ZCWPW2: variants seen among roughly 807,000 people sequenced by gnomAD.
The protein encoded by ZCWPW2 is zinc finger CW-type PWWP domain protein 2.
Under a neutral mutation model 46.6 loss-of-function variants are expected in ZCWPW2, and 45 were observed. The ratio of observed to expected loss-of-function variants is 0.96; its 90% confidence interval spans 0.76 to 1.24. The LOEUF is 1.24. Ranked by LOEUF, ZCWPW2 falls within the 50% of genes most tolerant of loss-of-function variation. ZCWPW2 has a pLI of 0.00. For missense variants in ZCWPW2, 429 were observed against 403.9 expected (o/e 1.06, Z -0.53); for synonymous variants, 152 against 137.1 (o/e 1.11, Z -0.76).
chr3:28,360,347 T>TACAAAAAA (rs1704891663), intron 1 of ZCWPW2, among the ~76,000 whole-genome samples: 2 of 24,194 alleles, frequency 8.3e-5, no homozygotes, highest in Non-Finnish European at 1.6e-4. Context: ...CTACTAAAAA[T>TACAAAAAA]ACAAAAAAAA....
chr3:28,475,938 A>G (rs1447926614), intron 4 of ZCWPW2, among the ~76,000 whole-genome samples: 4 of 152,042 alleles, frequency 2.6e-5, no homozygotes, highest in Non-Finnish European at 5.9e-5. Flanking sequence ...TGCTTGTTAT[A>G]TATTGTCTCT....
At chr3:28,435,467 T>TTTTA (rs1697442676) in intron 4 of ZCWPW2, among the ~76,000 whole-genome samples, 198 bp downstream of exon 4, 2 of 151,720 alleles carry the variant, frequency 1.3e-5, no homozygotes, top group Admixed American at 6.6e-5. Flanking sequence ...GAGTTTTAAA[T>TTTTA]TTTATTTTTC....
chr3:28,379,864 G>A (rs1334014986), intron 1 of ZCWPW2, among the ~76,000 whole-genome samples: 1 of 152,172 alleles, frequency 6.6e-6, no homozygotes, highest in Non-Finnish European at 1.5e-5. Context: ...GTGGCTTTCT[G>A]TTTTGGGGGT....
intron 2 of ZCWPW2, among the ~76,000 whole-genome samples, chr3:28,393,838 G>A (rs1575083837): frequency 6.6e-6 from 1 of 152,184 alleles, no homozygotes; most frequent in East Asian, 1.9e-4. Context: ...ATCATACTCA[G>A]TGGGGAAAGG....
At chr3:28,434,655 C>A (rs1396805743) in intron 3 of ZCWPW2, among the ~76,000 whole-genome samples, 1 of 152,202 alleles carries the variant, frequency 6.6e-6, no homozygotes, top group Admixed American at 6.5e-5. Flanking sequence ...ATCAGGATTC[C>A]TTTGGCAGAC....
intron 1 of ZCWPW2, among the ~76,000 whole-genome samples, chr3:28,357,520 C>T (rs1704782180): frequency 6.6e-6 from 1 of 151,994 alleles, no homozygotes; most frequent in Non-Finnish European, 1.5e-5. Flanking sequence ...GAGTGGGCAG[C>T]ATCATCCAAT....
At chr3:28,474,636 C>CGCGT (rs1699167357) in intron 4 of ZCWPW2, among the ~76,000 whole-genome samples, 2 of 151,190 alleles carry the variant, frequency 1.3e-5, no homozygotes, top group Non-Finnish European at 3.0e-5. Context: ...CGCGCGCGCG[C>CGCGT]GCACATGCGC....
At chr3:28,421,184 A>G (rs1696769840) in intron 3 of ZCWPW2, among the ~76,000 whole-genome samples, 1 of 152,106 alleles carries the variant, frequency 6.6e-6, no homozygotes, top group African/African-American at 2.4e-5. Flanking sequence ...GGGTGCCTCA[A>G]TTCCACTGTG....
chr3:28,448,767 C>G (rs1369098807), intron 4 of ZCWPW2, among the ~76,000 whole-genome samples: 1 of 93,784 alleles, frequency 1.1e-5, no homozygotes, highest in Non-Finnish European at 2.1e-5. Flanking sequence ...CCTGGGCTAC[C>G]AAGTGAGACT....
At chr3:28,466,636 T>TA (rs1698834622) in intron 4 of ZCWPW2, among the ~76,000 whole-genome samples, 1 of 151,902 alleles carries the variant, frequency 6.6e-6, no homozygotes, top group African/African-American at 2.4e-5. Flanking sequence ...CTGTCTCTAT[T>TA]AAAAATACAA....
In ZCWPW2 at chr3:28,404,077, G is replaced by C. The variant is rs186811216; in HGVS notation, c.-13-8979G>C. On this transcript the variant is annotated intron_variant, in intron 2 of 9. Transcript: ENST00000383768. ...ATTAAAGAGCTTTTGTATGGCAAAGGAACAGTCAGCAGAATAAAAAACCCA... is the reference window on the plus strand; with the variant it reads ...ATTAAAGAGCTTTTGTATGGCAAAGCAACAGTCAGCAGAATAAAAAACCCA... 7.9e-5 allele frequency among the ~76,000 whole-genome samples: 12 copies of C among 151,800 alleles called. No homozygotes were observed. In the East Asian group the frequency reaches 2.3e-3, roughly 29 times the overall value.
chr3:28,351,143 AAT>A (rs1276416696), intron 1 of ZCWPW2, among the ~76,000 whole-genome samples: 1 of 151,138 alleles, frequency 6.6e-6, no homozygotes. Context: ...CTGCTTTAAA[AAT>A]ATATATATAT....
chr3:28,374,761 G>A (rs1420753115), intron 1 of ZCWPW2, among the ~76,000 whole-genome samples: 2 of 151,916 alleles, frequency 1.3e-5, no homozygotes, highest in Non-Finnish European at 2.9e-5. Context: ...GCTTTCTTGA[G>A]TTCTTTTTCA....
chr3:28,368,313 CT>C (rs766040024), intron 1 of ZCWPW2, among the ~76,000 whole-genome samples: 2 of 152,086 alleles, frequency 1.3e-5, no homozygotes, highest in African/African-American at 2.4e-5. Context: ...TTAGTGCTTC[CT>C]TCAGGAGCTC....
At chr3:28,377,181 C>A (rs1173032819) in intron 1 of ZCWPW2, among the ~76,000 whole-genome samples, 1 of 151,880 alleles carries the variant, frequency 6.6e-6, no homozygotes, top group South Asian at 2.1e-4. Context: ...TTGTTTTACT[C>A]TGCAGATTCA....
intron 6 of ZCWPW2, among the ~76,000 whole-genome samples, chr3:28,499,500 G>A (rs1397503368): frequency 6.6e-6 from 1 of 151,798 alleles, no homozygotes; most frequent in Admixed American, 6.6e-5. Flanking sequence ...TGGTTGTTTG[G>A]TTTTTTTCTT....
At chr3:28,452,832 A>G (rs928213122) in intron 4 of ZCWPW2, among the ~76,000 whole-genome samples, 5 of 152,204 alleles carry the variant, frequency 3.3e-5, no homozygotes, top group Non-Finnish European at 1.5e-5. Context: ...GCTGAGAACA[A>G]TAAGGTGGAG....
chr3:28,524,152 C>A (rs1000725073), intron 9 of ZCWPW2, among the ~76,000 whole-genome samples: 1 of 151,820 alleles, frequency 6.6e-6, no homozygotes, highest in African/African-American at 2.4e-5. Flanking sequence ...ATGCAGATGA[C>A]CTTTTGACAA....
chr3:28,413,319 T>G lies in ZCWPW2; in HGVS notation c.251T>G (p.Leu84Arg), dbSNP rs1274601203. 2 of 1,613,284 alleles carry G rather than the reference T, an allele frequency of 1.2e-6. No individual in the cohort carries two copies. The highest frequency in any genetic ancestry group is 2.7e-5 in the African/African-American group (2 of 75,010). The part of the protein sequence containing the change: ...SEEDFPEESQ[L>R]HQCGFKIVYS... ...GAAGACTTCCCTGAAGAGTCTCAGCTTCATCAGTGTGGATTTAAGATTGTC... is the reference window on the plus strand; with the variant it reads ...GAAGACTTCCCTGAAGAGTCTCAGCGTCATCAGTGTGGATTTAAGATTGTC... Residue 84 changes from leucine to arginine, a missense_variant, in exon 3 of 10, where the codon CTT becomes CGT. By Grantham distance (102) the Leu-to-Arg change is moderately radical. Transcript: ENST00000383768.
Sources: allele counts gnomAD v4.1 joint callset (sites outside exome capture counted in the v4.1 genomes callset), GRCh38; gene constraint gnomAD v4.1.1; transcripts MANE v1.5; gene names NCBI Gene and HGNC (gene_info 2026-07-23, HGNC 2026-07-21).